The following POLR3F variants were observed in gnomAD, a reference collection of about 807,000 sequenced individuals.
The protein encoded by POLR3F is RNA polymerase III subunit F.
POLR3F carries 31 observed loss-of-function variants against 43.6 expected under a neutral mutation model. The ratio of observed to expected loss-of-function variants is 0.71; its 90% CI spans 0.53 to 0.96. POLR3F has a LOEUF of 0.96. POLR3F is among the 40% of genes least tolerant of loss of function. POLR3F has a pLI of 0.00. For synonymous variants in POLR3F, 114 were observed against 132.5 expected, an observed-to-expected ratio of 0.86 and a Z score of 0.96; for missense variants, 316 against 391.7, an observed-to-expected ratio of 0.81 and a Z score of 1.63.
intron 4 of POLR3F, 129 bp from the exon 5 acceptor site, chr20:18,474,946 C>T: frequency 2.0e-6 from 1 of 511,788 alleles, no homozygotes; most frequent in Non-Finnish European, 3.6e-6. Context: ...CATACTTTTG[C>T]TACTTTAGCC....
intron 5 of POLR3F, among the ~76,000 whole-genome samples, chr20:18,477,750 A>G (rs1568580445): frequency 6.6e-6 from 1 of 152,228 alleles, no homozygotes; most frequent in Non-Finnish European, 1.5e-5. Context: ...GACAGACTAA[A>G]AAGATCGGGG....
rs190432974 is a variant in POLR3F, at chr20:18,473,383, C to T, written c.249-8C>T. The T allele has an allele frequency of 6.9e-5, 83 of 1,195,844 alleles. 2 individuals are homozygous for T. The Admixed American group carries it at 1.1e-3, about 16-fold the overall frequency. The allele number at this position is 1,195,844 out of a possible 1,614,324, so 74.1% of individuals were successfully genotyped here. ...TTACCTTACTAATTTTACTTTATTC[C>T]ACTACAGTAAAATGAAGGGATCCGA... On this transcript the variant is annotated splice_polypyrimidine_tract_variant and splice_region_variant and intron_variant, in intron 3 of 8. Coordinates refer to ENST00000377603, the MANE Select transcript of POLR3F (RefSeq NM_006466.4).
chr20:18,475,427 A>C (rs1184692271), intron 5 of POLR3F, among the ~76,000 whole-genome samples: 2 of 152,352 alleles, frequency 1.3e-5, no homozygotes, highest in East Asian at 3.9e-4. Context: ...TGGAACTGTG[A>C]ACATTTTTCC....
At chr20:18,477,720 T>C (rs1255477600) in intron 5 of POLR3F, among the ~76,000 whole-genome samples, 2 of 152,138 alleles carry the variant, frequency 1.3e-5, no homozygotes, top group Non-Finnish European at 2.9e-5. Context: ...CTATATGACA[T>C]ACTGGAAAAG....
Position 18,483,470 on chromosome 20 carries a change from CTT to C in POLR3F, c.874-6_874-5del. On this transcript the variant is annotated splice_polypyrimidine_tract_variant and intron_variant, in intron 8 of 8. Coordinates refer to ENST00000377603, the MANE Select transcript of POLR3F (RefSeq NM_006466.4). ...TTTAATTTGAATATAATTTTTTTTT[CTT>C]TTTTAAAGGTTTTTGATGACTGCCA... is the stretch of plus-strand genomic sequence containing the variant. 7.4e-7 allele frequency: 1 copy of C among 1,358,624 alleles called. No individual in the cohort carries two copies. 84.2% of individuals were successfully genotyped at this position (1,358,624 alleles called of 1,614,324 possible).
chr20:18,468,912 A>G lies in POLR3F; in HGVS notation c.63-32A>G, dbSNP rs187888229. 188 of 1,016,116 alleles carry G rather than the reference A, an allele frequency of 1.9e-4. 1 individual carries two copies. In the Admixed American group the frequency reaches 3.1e-3, roughly 17 times the overall value. 62.9% of individuals were successfully genotyped at this position (1,016,116 alleles called of 1,614,324 possible). On this transcript the variant is annotated intron_variant, in intron 1 of 8. Transcript: ENST00000377603. Reference sequence around the variant, plus strand: ...CCACTGTCTCTTGAAACAGGTAACCATGAAGGATAACATTAATACCTTTGT... The same window carrying G: ...CCACTGTCTCTTGAAACAGGTAACCGTGAAGGATAACATTAATACCTTTGT...
At chr20:18,480,664 T>G (rs1212635112) in intron 7 of POLR3F, among the ~76,000 whole-genome samples, 155 bp downstream of exon 7, 1 of 152,192 alleles carries the variant, frequency 6.6e-6, no homozygotes, top group Admixed American at 6.5e-5. Context: ...GTCCTGTATC[T>G]TAGGCAAAGG....
At chr20:18,468,921 A>G (rs1263335957) in intron 1 of POLR3F, 23 bp from the exon 2 acceptor site, 2 of 1,088,902 alleles carry the variant, frequency 1.8e-6, no homozygotes, top group Non-Finnish European at 2.9e-6. Flanking sequence ...CATGAAGGAT[A>G]ACATTAATAC....
At chr20:18,469,438 T>G (rs534302194) in intron 2 of POLR3F, 2 of 171,404 alleles carry the variant, frequency 1.2e-5, no homozygotes, top group African/African-American at 4.7e-5. Context: ...ATCTACACCA[T>G]CAGCTCTCTG....
At chr20:18,469,792 C>T (rs367599671) in intron 2 of POLR3F, among the ~76,000 whole-genome samples, 1 of 152,182 alleles carries the variant, frequency 6.6e-6, no homozygotes, top group African/African-American at 2.4e-5. Flanking sequence ...ATACATAGGT[C>T]TAGTCTGTTC....
intron 2 of POLR3F, among the ~76,000 whole-genome samples, chr20:18,471,030 C>T (rs1019373684): frequency 6.6e-6 from 1 of 152,122 alleles, no homozygotes; most frequent in Non-Finnish European, 1.5e-5. Flanking sequence ...CAGTCATGAG[C>T]CACCGAGCCT....
intron 2 of POLR3F, 33 bp from the exon 3 acceptor site, chr20:18,472,809 C>T (rs751720656): frequency 2.2e-6 from 2 of 924,732 alleles, no homozygotes; most frequent in Non-Finnish European, 3.4e-6. Context: ...TCCAAAATAA[C>T]TGACTCCTGT....
At chr20:18,476,282 C>T (rs1455352747) in intron 5 of POLR3F, among the ~76,000 whole-genome samples, 11 of 152,196 alleles carry the variant, frequency 7.2e-5, no homozygotes, top group Admixed American at 1.3e-4. Context: ...GCCCTAAAAA[C>T]GAATAATTTA....
intron 7 of POLR3F, 105 bp from the exon 8 acceptor site, chr20:18,481,514 C>CA (rs1181063063): frequency 1.3e-6 from 1 of 759,936 alleles, no homozygotes; most frequent in African/African-American, 1.7e-5. Flanking sequence ...GCTGGGATTA[C>CA]AGGCGTGAGC....
At chr20:18,469,260 A>G (rs2059734405) in intron 2 of POLR3F, 199 bp downstream of exon 2, 3 of 548,800 alleles carry the variant, frequency 5.5e-6, no homozygotes, top group South Asian at 4.3e-5. Flanking sequence ...AACGGAGTAA[A>G]GTAGATATGG....
intron 2 of POLR3F, among the ~76,000 whole-genome samples, chr20:18,471,936 T>C (rs2059754781): frequency 6.6e-6 from 1 of 152,160 alleles, no homozygotes; most frequent in Non-Finnish European, 1.5e-5. Flanking sequence ...GAGCCGAGAT[T>C]GTGCCACGGC....
chr20:18,467,614 C>T, intron 1 of POLR3F, 46 bp downstream of exon 1: 2 of 1,613,600 alleles, frequency 1.2e-6, no homozygotes, highest in East Asian at 2.2e-5. Context: ...GGCGCCCAGT[C>T]ATTTGGGCAG....
chr20:18,470,037 A>G (rs1352115555), intron 2 of POLR3F, among the ~76,000 whole-genome samples: 1 of 152,218 alleles, frequency 6.6e-6, no homozygotes, highest in African/African-American at 2.4e-5. Context: ...TTATCAGTGA[A>G]GCCATTCTCC....
At chr20:18,469,740 T>C (rs1019916328) in intron 2 of POLR3F, among the ~76,000 whole-genome samples, 1 of 152,208 alleles carries the variant, frequency 6.6e-6, no homozygotes, top group Admixed American at 6.5e-5. Context: ...ATGAAATAAA[T>C]GTATTATGGT....
Sources: gnomAD v4.1 joint callset for allele counts (sites outside exome capture counted in the v4.1 genomes callset) on GRCh38, gnomAD v4.1.1 for gene constraint, MANE v1.5 for transcripts, NCBI Gene and HGNC (gene_info 2026-07-23, HGNC 2026-07-21) for gene names.